PLEKHA7: variants seen among roughly 807,000 people sequenced by gnomAD.
The protein encoded by PLEKHA7 is pleckstrin homology domain containing A7, also known as pleckstrin homology domain-containing family A member 7.
PLEKHA7 carries 104 observed loss-of-function variants against 170.0 expected under a neutral mutation model. That is an observed-to-expected ratio of 0.61 (90% CI 0.52 to 0.72). The LOEUF (loss-of-function observed/expected upper bound fraction) is 0.72. PLEKHA7 is among the 30% of genes least tolerant of loss of function. The probability of loss-of-function intolerance (pLI) is 0.00; values close to 1 mark genes in which losing one functional copy is unlikely to be tolerated. For missense variants in PLEKHA7, 1,615 were observed against 1,671.7 expected (o/e 0.97, Z 0.59); for synonymous variants, 648 against 660.8 (o/e 0.98, Z 0.30).
chr11:16,933,822 A>T (rs4757447), intron 3 of PLEKHA7, among the ~76,000 whole-genome samples: 2 of 151,956 alleles, frequency 1.3e-5, no homozygotes, highest in African/African-American at 4.8e-5. Context: ...TGGCTCTCCC[A>T]GCTAGAGACC....
At chr11:16,780,178 G>A (rs1481857037) in intron 26 of PLEKHA7, among the ~76,000 whole-genome samples, 1 of 152,192 alleles carries the variant, frequency 6.6e-6, no homozygotes, top group African/African-American at 2.4e-5. Context: ...ACCTTCCCCT[G>A]TCCAGGTGAA....
intron 3 of PLEKHA7, among the ~76,000 whole-genome samples, chr11:16,913,415 G>C (rs1858401592): frequency 6.6e-6 from 1 of 152,126 alleles, no homozygotes; most frequent in African/African-American, 2.4e-5. Context: ...GCAGCAACTC[G>C]ATGCAAGGAC....
chr11:16,799,708 C>A (rs1034977118), intron 17 of PLEKHA7, among the ~76,000 whole-genome samples: 1 of 152,130 alleles, frequency 6.6e-6, no homozygotes, highest in Non-Finnish European at 1.5e-5. Flanking sequence ...CAAGTCATTA[C>A]GGTAAATGCT....
chr11:16,856,702 C>T (rs1339792434), intron 4 of PLEKHA7, among the ~76,000 whole-genome samples: 1 of 152,216 alleles, frequency 6.6e-6, no homozygotes, highest in African/African-American at 2.4e-5. Flanking sequence ...CCTGCTTCCA[C>T]AGATCCCCAG....
chr11:16,787,126 T>C, intron 23 of PLEKHA7: 2 of 985,486 alleles, frequency 2.0e-6, no homozygotes, highest in South Asian at 4.7e-5. Context: ...GATCCAACCA[T>C]GACTGTCCAG....
intron 3 of PLEKHA7, among the ~76,000 whole-genome samples, chr11:16,975,756 G>A (rs536287877): frequency 6.6e-6 from 1 of 152,304 alleles, no homozygotes; most frequent in Non-Finnish European, 1.5e-5. Context: ...AGGATTACAA[G>A]GGATTTTTAT....
At chr11:16,854,341 T>C (rs1853246637) in intron 6 of PLEKHA7, among the ~76,000 whole-genome samples, 2 of 152,176 alleles carry the variant, frequency 1.3e-5, no homozygotes, top group Admixed American at 1.3e-4. Flanking sequence ...GTGATAGTGC[T>C]GAGGTTTCTA....
chr11:16,998,320 C>T (rs1036887353), intron 3 of PLEKHA7, among the ~76,000 whole-genome samples: 1 of 152,056 alleles, frequency 6.6e-6, no homozygotes, highest in African/African-American at 2.4e-5. Context: ...AACAAACAAA[C>T]TCTCAAACCT....
intron 3 of PLEKHA7, among the ~76,000 whole-genome samples, chr11:16,961,929 C>G (rs1208418700): frequency 1.3e-5 from 2 of 152,198 alleles, no homozygotes; most frequent in East Asian, 1.9e-4. Flanking sequence ...ATGGAAGGGT[C>G]TGGCACATAG....
intron 3 of PLEKHA7, among the ~76,000 whole-genome samples, chr11:16,935,773 C>T (rs1233322842): frequency 6.6e-6 from 1 of 152,188 alleles, no homozygotes; most frequent in Non-Finnish European, 1.5e-5. Context: ...GTTTTTGAGG[C>T]TCATTCTCAA....
At chr11:16,859,889 G>C (rs1322822132) in intron 4 of PLEKHA7, among the ~76,000 whole-genome samples, 1 of 152,234 alleles carries the variant, frequency 6.6e-6, no homozygotes, top group Non-Finnish European at 1.5e-5. Context: ...GCAGACTGCT[G>C]CTGTCCTCAA....
chr11:16,897,381 C>G (rs1333834699), intron 3 of PLEKHA7, among the ~76,000 whole-genome samples: 1 of 152,142 alleles, frequency 6.6e-6, no homozygotes, highest in Non-Finnish European at 1.5e-5. Flanking sequence ...CCATTCCTCC[C>G]CATTTTTCCT....
At chr11:16,797,100 T>A (rs1848286056) in intron 17 of PLEKHA7, among the ~76,000 whole-genome samples, 1 of 152,126 alleles carries the variant, frequency 6.6e-6, no homozygotes, top group African/African-American at 2.4e-5. Flanking sequence ...CTACATACAA[T>A]GGGGAAGGAC....
chr11:16,785,736 C>T (rs773735529), intron 24 of PLEKHA7, among the ~76,000 whole-genome samples: 10 of 152,192 alleles, frequency 6.6e-5, no homozygotes, highest in South Asian at 2.1e-4. Context: ...GAACTCTGCA[C>T]TGTCTCCTAG....
At chr11:16,990,048 T>C (rs1473427479) in intron 3 of PLEKHA7, among the ~76,000 whole-genome samples, 6 of 151,938 alleles carry the variant, frequency 3.9e-5, no homozygotes, top group African/African-American at 1.5e-4. Context: ...AGATAAGCAT[T>C]GGCTGGGTTG....
chr11:16,943,951 T>G (rs1005931107), intron 3 of PLEKHA7, among the ~76,000 whole-genome samples: 1 of 152,030 alleles, frequency 6.6e-6, no homozygotes, highest in African/African-American at 2.4e-5. Context: ...AATGAAGAAG[T>G]TTAGGGGATG....
At chr11:16,879,444 G>A (rs569451124) in intron 3 of PLEKHA7, among the ~76,000 whole-genome samples, 32 of 152,232 alleles carry the variant, frequency 2.1e-4, no homozygotes, top group African/African-American at 7.0e-4. Flanking sequence ...TCAAAGATAC[G>A]GGGAGGCAGA....
At chr11:16,905,445 C>T (rs1431356014) in intron 3 of PLEKHA7, among the ~76,000 whole-genome samples, 2 of 151,888 alleles carry the variant, frequency 1.3e-5, no homozygotes, top group Non-Finnish European at 2.9e-5. Context: ...CTATACTTTC[C>T]TCAAGGTCAT....
In PLEKHA7 at chr11:16,855,843, G is replaced by C. The variant is rs770725871; in HGVS notation, c.377C>G (p.Ala126Gly). 1 of 1,614,136 alleles carries C rather than the reference G, an allele frequency of 6.2e-7. No individual in the cohort carries two copies. The highest frequency in any genetic ancestry group is 8.5e-7 in the Non-Finnish European group (1 of 1,179,996). The stretch of plus-strand genomic sequence containing the variant: ...GGCCTCCAGGGTGGAGGCGGTCCCA[G>C]CCGTGGATGTTTCACTGACCATGCT... ...PSSMVSETST[A>G]GTASTLEAKP... is the part of the protein sequence containing the mutation. Residue 126 changes from alanine (A) to glycine (G), a missense_variant, in exon 5 of 27, where the codon GCT (alanine) becomes GGT (glycine). Transcript: ENST00000531066.
Sources: gnomAD v4.1 joint callset for allele counts (sites outside exome capture counted in the v4.1 genomes callset) on GRCh38, gnomAD v4.1.1 for gene constraint, MANE v1.5 for transcripts, NCBI Gene and HGNC (gene_info 2026-07-23, HGNC 2026-07-21) for gene names.